The following SGPP2 variants were observed in gnomAD, a reference collection of about 807,000 sequenced individuals.
SGPP2 encodes the protein sphingosine 1-phosphate phosphohydrolase 2.
A neutral mutation model predicts 33.9 loss-of-function variants in SGPP2; 30 were observed. That is an observed-to-expected ratio of 0.89 (90% CI 0.66 to 1.20). SGPP2 has a LOEUF of 1.20. Ranked by LOEUF, SGPP2 falls within the 50% of genes most tolerant of loss-of-function variation. The pLI is 0.00. For missense variants in SGPP2, 458 were observed against 532.1 expected, an observed-to-expected ratio of 0.86 and a Z score of 1.37; for synonymous variants, 233 against 225.0, an observed-to-expected ratio of 1.04 and a Z score of -0.32.
At chr2:222,500,765 G>T (rs1698355155) in intron 2 of SGPP2, among the ~76,000 whole-genome samples, 1 of 152,148 alleles carries the variant, frequency 6.6e-6, no homozygotes, top group Non-Finnish European at 1.5e-5. Context: ...CCTTCATATT[G>T]AGTTTTTATG....
chr2:222,538,494 C>T (rs1002099201), intron 4 of SGPP2, among the ~76,000 whole-genome samples: 7 of 152,208 alleles, frequency 4.6e-5, no homozygotes, highest in Admixed American at 3.3e-4. Flanking sequence ...ATACAGTGTT[C>T]TATAAAACAG....
intron 1 of SGPP2, among the ~76,000 whole-genome samples, chr2:222,436,534 G>A (rs142495709): frequency 1.3e-5 from 2 of 152,254 alleles, no homozygotes; most frequent in Non-Finnish European, 2.9e-5. Context: ...GTCAATCCAG[G>A]TGCTTCAGGA....
rs1697638222 is a variant in SGPP2 at position 222,460,203 on chromosome 2, G to A, written c.220-14365G>A. ...TTTATCACGTTGTTTTTGTTCCTGTGGTTTCTTGCTAAATAACTGTATCAT... is the reference window on the plus strand; with the variant it reads ...TTTATCACGTTGTTTTTGTTCCTGTAGTTTCTTGCTAAATAACTGTATCAT... On this transcript the variant is annotated intron_variant, in intron 1 of 4. Transcript: ENST00000321276. This position sits in a 1 kb window ranked among gnomAD's most constrained non-coding sequence, Gnocchi z 4.3. Among the ~76,000 whole-genome samples the A allele has an allele frequency of 6.6e-6, 1 of 152,190 alleles. No homozygotes were observed. The highest frequency in any genetic ancestry group is 6.5e-5 in the Admixed American group (1 of 15,280).
chr2:222,532,831 GC>G (rs1362353435), intron 4 of SGPP2, among the ~76,000 whole-genome samples: 1 of 152,112 alleles, frequency 6.6e-6, no homozygotes, highest in Admixed American at 6.5e-5. Context: ...TGGGGAATTG[GC>G]CTTTGAGAGA....
At chr2:222,529,816 C>T (rs781053300) in intron 4 of SGPP2, among the ~76,000 whole-genome samples, 54 of 152,094 alleles carry the variant, frequency 3.6e-4, no homozygotes, top group African/African-American at 1.1e-3. Flanking sequence ...GAATCCTCTC[C>T]GGAAGATTTT....
At chr2:222,424,481 C>A, upstream of SGPP2, 2 of 571,710 alleles carry the variant, frequency 3.5e-6, no homozygotes, top group Non-Finnish European at 4.7e-6. Context: ...GGGCCCGGGG[C>A]CCCGCCCGCC....
intron 1 of SGPP2, among the ~76,000 whole-genome samples, chr2:222,447,020 G>A (rs1559146137): frequency 1.3e-5 from 2 of 152,166 alleles, no homozygotes; most frequent in Non-Finnish European, 2.9e-5. Flanking sequence ...TTAGAGGCTG[G>A]TGAATGCTGA....
intron 2 of SGPP2, among the ~76,000 whole-genome samples, chr2:222,475,568 A>G (rs1435260950): frequency 6.6e-6 from 1 of 152,228 alleles, no homozygotes; most frequent in Non-Finnish European, 1.5e-5. Context: ...GCCAAAACAC[A>G]TAAGGCAAAG....
At chr2:222,543,016 T>A (rs922057679) in intron 4 of SGPP2, among the ~76,000 whole-genome samples, 3 of 152,178 alleles carry the variant, frequency 2.0e-5, no homozygotes, top group Admixed American at 6.5e-5. Context: ...GAGCTTTTCC[T>A]ACTCTGTAGC....
intron 4 of SGPP2, among the ~76,000 whole-genome samples, chr2:222,551,367 A>G (rs1258802410): frequency 6.6e-6 from 1 of 152,244 alleles, no homozygotes; most frequent in Non-Finnish European, 1.5e-5. Flanking sequence ...GAATATGCAA[A>G]AAAATAAAAA....
intron 4 of SGPP2, among the ~76,000 whole-genome samples, chr2:222,542,323 A>C (rs1202612157): frequency 6.6e-6 from 1 of 152,158 alleles, no homozygotes; most frequent in Admixed American, 6.5e-5. Context: ...CTATTGATGC[A>C]TATTTGGACT....
At chr2:222,433,327 T>C (rs1277717190) in intron 1 of SGPP2, among the ~76,000 whole-genome samples, 1 of 152,132 alleles carries the variant, frequency 6.6e-6, no homozygotes, top group Non-Finnish European at 1.5e-5. Flanking sequence ...CCCCTCTCAG[T>C]GGAGGGAGCC....
chr2:222,474,198 A>G (rs1012472634), intron 1 of SGPP2, among the ~76,000 whole-genome samples: 19 of 152,320 alleles, frequency 1.2e-4, no homozygotes, highest in Admixed American at 8.5e-4. Flanking sequence ...TAGGACATAG[A>G]AATCTTTGAG....
intron 4 of SGPP2, among the ~76,000 whole-genome samples, chr2:222,542,852 T>C (rs1000306450): frequency 1.3e-5 from 2 of 151,762 alleles, no homozygotes; most frequent in Non-Finnish European, 2.9e-5. Flanking sequence ...TCTCATTCTG[T>C]CATGCAGGCT....
chr2:222,546,064 C>T (rs1248037618), intron 4 of SGPP2, among the ~76,000 whole-genome samples: 4 of 152,182 alleles, frequency 2.6e-5, no homozygotes, highest in Admixed American at 2.0e-4. Flanking sequence ...TCTGTGTTTA[C>T]GTATGCCTGT....
chr2:222,474,677 A>C lies in SGPP2; in HGVS notation c.329A>C (p.His110Pro), dbSNP rs747347850. ...TACATCACGTTTCTTCCATTCACTC[A>C]CTGGAATATTGACCCTTATTTATCC... ...VFYITFLPFT[H>P]WNIDPYLSRR... Residue 110 changes from histidine (H) to proline (P), a missense_variant, in exon 2 of 5, where the codon CAC becomes CCC. By Grantham distance (77) the His-to-Pro change is moderately conservative (BLOSUM62 -2). Transcript: ENST00000321276. The C allele has an allele frequency of 6.2e-7, 1 of 1,613,984 alleles. No individual in the cohort carries two copies. Among genetic ancestry groups the C allele is most frequent in the Non-Finnish European group, 8.5e-7 (1 of 1,179,910 alleles).
At chr2:222,456,091 A>G (rs1293531414) in intron 1 of SGPP2, among the ~76,000 whole-genome samples, 1 of 152,198 alleles carries the variant, frequency 6.6e-6, no homozygotes, top group African/African-American at 2.4e-5. Context: ...AAATAAATAA[A>G]TAAATGTACA....
At chr2:222,531,792 A>G (rs1272804851) in intron 4 of SGPP2, among the ~76,000 whole-genome samples, 2 of 152,060 alleles carry the variant, frequency 1.3e-5, no homozygotes, top group Non-Finnish European at 2.9e-5. Flanking sequence ...GTTGAGAGTC[A>G]TTGATTGGAC....
At chr2:222,525,875 G>A (rs937604561) in intron 4 of SGPP2, among the ~76,000 whole-genome samples, 2 of 152,160 alleles carry the variant, frequency 1.3e-5, no homozygotes, top group African/African-American at 4.8e-5. Flanking sequence ...CTGGTCCCTT[G>A]TGTGGGTTTT....
Sources: gnomAD v4.1 joint callset for allele counts (sites outside exome capture counted in the v4.1 genomes callset) on GRCh38, gnomAD v4.1.1 for gene constraint, Gnocchi (gnomAD v3.1) non-coding constraint, MANE v1.5 for transcripts, NCBI Gene and HGNC (gene_info 2026-07-23, HGNC 2026-07-21) for gene names.